Variants in SCG3 observed in about 807,000 individuals in gnomAD.
The protein encoded by SCG3 is secretogranin III, also known as secretogranin-3.
In SCG3, 38 loss-of-function variants were observed where a neutral mutation model predicts 56.2. The observed-to-expected ratio is 0.68, with a 90% CI of 0.52 to 0.89. The LOEUF is 0.89. Ranked by LOEUF, SCG3 falls within the 40% of genes least tolerant of loss-of-function variation. The pLI is 0.00. For missense variants in SCG3, 524 were observed against 540.7 expected (o/e 0.97, Z 0.31); for synonymous variants, 176 against 184.2 (o/e 0.96, Z 0.36).
intron 7 of SCG3, chr15:51,695,593 G>A: frequency 4.4e-6 from 1 of 229,236 alleles, no homozygotes; most frequent in Non-Finnish European, 8.3e-6. Context: ...AAATATTTCA[G>A]TAAAATACTG....
intron 10 of SCG3, among the ~76,000 whole-genome samples, chr15:51,704,537 T>C (rs545015068): frequency 1.7e-3 from 250 of 150,066 alleles, no homozygotes; most frequent in African/African-American, 5.8e-3. Flanking sequence ...TTGACTTCTA[T>C]AGTGACCTCA....
intron 7 of SCG3, chr15:51,693,699 A>G (rs1174560342): frequency 6.6e-6 from 1 of 152,188 alleles, no homozygotes; most frequent in African/African-American, 2.4e-5. Flanking sequence ...CCAAGAAGTG[A>G]CCTTAAAATA....
At position 51,719,542 on chromosome 15, in the gene SCG3, C is replaced by T; in HGVS notation, c.*16C>T. The T allele has an allele frequency of 6.5e-7, 1 of 1,538,308 alleles. No individual in the cohort carries two copies. The highest frequency in any genetic ancestry group is 9.0e-7 in the Non-Finnish European group (1 of 1,113,358). ...CAGCCTGTAAAAATGGCAAAAGATC[C>T]AGGAGTCTTTCAACTGTTTCAGAAA... On this transcript the variant is annotated 3_prime_UTR_variant, in exon 12 of 12. Transcript: ENST00000220478.
At chr15:51,690,448 AT>A (rs2055259369) in intron 6 of SCG3, among the ~76,000 whole-genome samples, 1 of 152,026 alleles carries the variant, frequency 6.6e-6, no homozygotes, top group African/African-American at 2.4e-5. Flanking sequence ...CCAGCATCTT[AT>A]CTCAAATACA....
rs1249115505 is a variant in SCG3, at chr15:51,683,064, C to A, written c.136-15C>A. Reference sequence around the variant, plus strand: ...AATGATTTTAAACCAAGTCTATCTCCTGTTTGCTTCACAGATTGCTGAAGC... The same window carrying A: ...AATGATTTTAAACCAAGTCTATCTCATGTTTGCTTCACAGATTGCTGAAGC... On this transcript the variant is annotated splice_polypyrimidine_tract_variant and intron_variant, in intron 2 of 11. Transcript: ENST00000220478. 1.2e-6 allele frequency: 2 copies of A among 1,604,346 alleles called. No homozygotes were observed. The highest frequency in any genetic ancestry group is 1.3e-5 in the African/African-American group (1 of 74,140).
At chr15:51,692,093 A>C in intron 6 of SCG3, 66 bp from the exon 7 acceptor site, 1 of 1,445,992 alleles carries the variant, frequency 6.9e-7, no homozygotes, top group Non-Finnish European at 9.4e-7. Context: ...CAAAGGAAGG[A>C]ATCAAGCTGG....
chr15:51,691,667 G>A (rs1317467768), intron 6 of SCG3, among the ~76,000 whole-genome samples: 1 of 152,204 alleles, frequency 6.6e-6, no homozygotes, highest in African/African-American at 2.4e-5. Context: ...CCAGGTCTGA[G>A]AGAAAGATTT....
At position 51,699,323 on chromosome 15, in the gene SCG3, CT is replaced by C. The variant is rs1426011192; in HGVS notation, c.992del (p.Leu331TrpfsTer4). On this transcript the variant is annotated frameshift_variant, in exon 9 of 12. Transcript: ENST00000220478. LOFTEE classifies it high-confidence loss of function. Reference protein sequence around the residue: ...PEEGVSYLENLDEMIALQTKN... With the variant: ...PEEGVSYLENXDEMIALQTKN... ...TTCTTTCCTTCCTCCCTCCAGAAAACTTGGATGAAATGATTGCTCTTCAGAC... is the reference window on the plus strand; with the variant it reads ...TTCTTTCCTTCCTCCCTCCAGAAAACTGGATGAAATGATTGCTCTTCAGAC... The C allele has an allele frequency of 2.5e-6, 4 of 1,600,660 alleles. No individual in the cohort carries two copies. Among genetic ancestry groups the C allele is most frequent in the Non-Finnish European group, 3.4e-6 (4 of 1,175,620 alleles).
intron 4 of SCG3, among the ~76,000 whole-genome samples, chr15:51,686,896 T>A (rs1179511166): frequency 6.6e-6 from 1 of 152,178 alleles, no homozygotes; most frequent in Non-Finnish European, 1.5e-5. Flanking sequence ...AAAGAGATAT[T>A]CTGCCTGAGG....
At position 51,720,166 on chromosome 15, in the gene SCG3, AT is replaced by A. The variant is rs1040924134; in HGVS notation, c.*642del. ...ACTTCCTATTAGTGACTTTTCAGAC[AT>A]TGAGTTTACTTATAAAGAGAGATAT... On this transcript the variant is annotated 3_prime_UTR_variant, in exon 12 of 12. Coordinates refer to ENST00000220478, the MANE Select transcript of SCG3 (RefSeq NM_013243.4). 6.6e-6 allele frequency: 1 copy of A among 152,290 alleles called. No homozygotes were observed. The highest frequency in any genetic ancestry group is 1.5e-5 in the Non-Finnish European group (1 of 68,070). 9.4% of individuals were successfully genotyped at this position (152,290 alleles called of 1,614,324 possible). A position where few individuals can be genotyped will look rare whatever the true frequency, so the allele number is the denominator to read the frequency against.
chr15:51,706,338 G>A (rs78621048), intron 10 of SCG3, among the ~76,000 whole-genome samples: 22 of 152,340 alleles, frequency 1.4e-4, no homozygotes, highest in African/African-American at 5.1e-4. Context: ...ACTCAAGCAA[G>A]CTTTGAAATG....
rs370895368 is a variant in SCG3, at chr15:51,681,815, C to T, written c.60C>T (p.Phe20=). The part of the protein sequence containing the change: ...ILVLVLPIQA[F]PKPGGSQDKS... ...TGTTAGTGCTCCCGATTCAAGCTTT[C>T]CCCAAACCTGGAGGAAGCCAAGGTA... Residue 20 remains phenylalanine, a synonymous_variant, in exon 1 of 12, where the codon TTC becomes TTT. Transcript: ENST00000220478. 8.7e-6 allele frequency: 14 copies of T among 1,613,972 alleles called. No individual in the cohort carries two copies. Among genetic ancestry groups the T allele is most frequent in the African/African-American group, 1.3e-5 (1 of 74,924 alleles).
chr15:51,708,923 C>G (rs1029383628), intron 10 of SCG3, among the ~76,000 whole-genome samples: 2 of 152,188 alleles, frequency 1.3e-5, no homozygotes, highest in Middle Eastern at 3.4e-3. Context: ...CTCAATTTCT[C>G]TAGTCTAAAA....
At chr15:51,709,706 T>TA (rs2055405175) in intron 10 of SCG3, among the ~76,000 whole-genome samples, 6 of 19,516 alleles carry the variant, frequency 3.1e-4, no homozygotes, top group Non-Finnish European at 4.8e-4. Context: ...TATATATTTT[T>TA]TTTTTTTTTT....
At chr15:51,717,324 C>A (rs376362732) in intron 11 of SCG3, among the ~76,000 whole-genome samples, 1 of 150,656 alleles carries the variant, frequency 6.6e-6, no homozygotes, top group Admixed American at 6.6e-5. Flanking sequence ...GCTGAGATCA[C>A]GCCACTGCAC....
intron 10 of SCG3, among the ~76,000 whole-genome samples, chr15:51,711,021 G>A (rs1489233776): frequency 1.3e-5 from 2 of 152,284 alleles, no homozygotes; most frequent in South Asian, 2.1e-4. Flanking sequence ...GTAGGTACAT[G>A]AGCAGGAAGA....
At chr15:51,710,794 C>G (rs1856594834) in intron 10 of SCG3, among the ~76,000 whole-genome samples, 2 of 93,252 alleles carry the variant, frequency 2.1e-5, no homozygotes, top group Admixed American at 1.4e-4. Context: ...TGGGGTTTTT[C>G]CATGTTGCCC....
chr15:51,697,671 T>G (rs533914101), intron 8 of SCG3, among the ~76,000 whole-genome samples: 1 of 152,344 alleles, frequency 6.6e-6, no homozygotes, highest in Admixed American at 6.5e-5. Context: ...GTAAATTATT[T>G]ATTTATTTTT....
chr15:51,711,179 A>G (rs2055418462), intron 10 of SCG3, among the ~76,000 whole-genome samples: 1 of 152,258 alleles, frequency 6.6e-6, no homozygotes, highest in African/African-American at 2.4e-5. Context: ...ATCCGTCATC[A>G]GTTGAAGGCT....
Sources: allele counts gnomAD v4.1 joint callset (sites outside exome capture counted in the v4.1 genomes callset), GRCh38; gene constraint gnomAD v4.1.1; transcripts MANE v1.5; gene names NCBI Gene and HGNC (gene_info 2026-07-23, HGNC 2026-07-21).